Variants in OXCT1 observed in about 807,000 individuals in gnomAD.
OXCT1 encodes 3-oxoacid CoA-transferase 1.
OXCT1 carries 27 observed loss-of-function variants against 69.6 expected under a neutral mutation model. That is an observed-to-expected ratio of 0.39 (90% confidence interval 0.29 to 0.54). OXCT1 has a LOEUF of 0.54. Among genes scored for constraint, OXCT1 ranks in the 20% least tolerant of loss-of-function variants. OXCT1 has a pLI of 0.72. For missense variants in OXCT1, 437 were observed against 650.2 expected (o/e 0.67, Z 3.57); for synonymous variants, 202 against 217.8 (o/e 0.93, Z 0.64).
At chr5:41,787,746 G>A (rs1474912550) in intron 13 of OXCT1, among the ~76,000 whole-genome samples, 1 of 150,394 alleles carries the variant, frequency 6.6e-6, no homozygotes, top group Non-Finnish European at 1.5e-5. Flanking sequence ...ATCAGGCAGA[G>A]TCCTCCGAAG....
At chr5:41,811,350 A>G (rs565419584) in intron 7 of OXCT1, among the ~76,000 whole-genome samples, 8 of 152,176 alleles carry the variant, frequency 5.3e-5, no homozygotes, top group African/African-American at 1.7e-4. Flanking sequence ...GGTAATGAAT[A>G]TCCCAATTAC....
chr5:41,735,295 C>A (rs1462141827), intron 16 of OXCT1, among the ~76,000 whole-genome samples: 5 of 152,116 alleles, frequency 3.3e-5, no homozygotes, highest in Admixed American at 3.3e-4. Flanking sequence ...ATACATGCTA[C>A]AACACAGATG....
intron 3 of OXCT1, 200 bp from the exon 4 acceptor site, chr5:41,853,754 G>T (rs556011228): frequency 1.5e-6 from 1 of 684,032 alleles, no homozygotes. Context: ...GAAACTAAAA[G>T]TCAAGAAGTT....
intron 14 of OXCT1, 21 bp from the exon 15 acceptor site, chr5:41,749,628 CA>C: frequency 6.6e-7 from 1 of 1,505,450 alleles, no homozygotes; most frequent in Non-Finnish European, 9.2e-7. Flanking sequence ...AAGAAAACAT[CA>C]AAAAGAGTAG....
chr5:41,755,590 A>G (rs569831152), intron 14 of OXCT1, among the ~76,000 whole-genome samples: 1 of 152,226 alleles, frequency 6.6e-6, no homozygotes, highest in African/African-American at 2.4e-5. Flanking sequence ...AAAAGCCTTC[A>G]TATTTGTTGG....
intron 13 of OXCT1, among the ~76,000 whole-genome samples, chr5:41,782,961 G>C (rs1745481977): frequency 6.6e-6 from 1 of 152,152 alleles, no homozygotes. Flanking sequence ...GCTTATAGCT[G>C]AATGATATTA....
intron 11 of OXCT1, among the ~76,000 whole-genome samples, chr5:41,795,829 T>C (rs961158189): frequency 6.6e-6 from 1 of 152,126 alleles, no homozygotes; most frequent in African/African-American, 2.4e-5. Context: ...ACATTACACG[T>C]CTTAAATATA....
At chr5:41,829,767 T>C (rs912572248) in intron 7 of OXCT1, among the ~76,000 whole-genome samples, 3 of 152,192 alleles carry the variant, frequency 2.0e-5, no homozygotes, top group African/African-American at 7.2e-5. Context: ...TTATATTTAT[T>C]ACTTCCTTGG....
intron 7 of OXCT1, among the ~76,000 whole-genome samples, chr5:41,824,935 G>A (rs1747730565): frequency 6.6e-6 from 1 of 152,162 alleles, no homozygotes; most frequent in African/African-American, 2.4e-5. Context: ...AAAATTTAAA[G>A]TGAAATTCAA....
intron 7 of OXCT1, among the ~76,000 whole-genome samples, chr5:41,826,488 C>T (rs1289678001): frequency 6.6e-6 from 1 of 152,130 alleles, no homozygotes; most frequent in African/African-American, 2.4e-5. Flanking sequence ...TTAGAAAACA[C>T]ACTGGAATGC....
chr5:41,763,986 G>A (rs1744474865), intron 13 of OXCT1, among the ~76,000 whole-genome samples: 1 of 152,140 alleles, frequency 6.6e-6, no homozygotes, highest in Non-Finnish European at 1.5e-5. Context: ...AAACCAGTGT[G>A]CTGGCAAGAA....
At position 41,741,619 on chromosome 5, in the gene OXCT1, GATT is replaced by G. The variant is rs369362776; in HGVS notation, c.1420-2131_1420-2129del. On this transcript the variant is annotated intron_variant, in intron 15 of 16. Transcript: ENST00000196371. ...TGATGCCAGATCAAAGCCCTGGAAT[GATT>G]ATTGACTCCAGCTGATTAATATTTT... is the stretch of plus-strand genomic sequence containing the variant. Among the ~76,000 whole-genome samples, 26 of 152,290 alleles carry G rather than the reference GATT, an allele frequency of 1.7e-4. No individual in the cohort carries two copies. The East Asian group carries it at 5.0e-3, about 29-fold the overall frequency.
At chr5:41,855,397 T>C (rs1459416741) in intron 3 of OXCT1, among the ~76,000 whole-genome samples, 1 of 152,196 alleles carries the variant, frequency 6.6e-6, no homozygotes, top group East Asian at 1.9e-4. Context: ...TTATGAGATG[T>C]TCACTTTTCT....
At chr5:41,789,869 A>G (rs1051822458) in intron 13 of OXCT1, among the ~76,000 whole-genome samples, 2 of 152,240 alleles carry the variant, frequency 1.3e-5, no homozygotes, top group African/African-American at 4.8e-5. Flanking sequence ...TGAATCTTCA[A>G]CACAAACCCC....
intron 11 of OXCT1, among the ~76,000 whole-genome samples, chr5:41,799,628 G>A (rs548084898): frequency 6.6e-6 from 1 of 152,252 alleles, no homozygotes; most frequent in South Asian, 2.1e-4. Flanking sequence ...GGAACATGCA[G>A]TTATTCATTT....
At chr5:41,850,608 A>G (rs1236545375) in intron 4 of OXCT1, among the ~76,000 whole-genome samples, 1 of 152,194 alleles carries the variant, frequency 6.6e-6, no homozygotes, top group Non-Finnish European at 1.5e-5. Flanking sequence ...AATAATGTAA[A>G]GTGTTTAAAT....
intron 7 of OXCT1, among the ~76,000 whole-genome samples, chr5:41,811,818 C>T (rs1746999061): frequency 6.6e-6 from 1 of 151,966 alleles, no homozygotes; most frequent in African/African-American, 2.4e-5. Context: ...TGAAAATAAA[C>T]CTAACAAAAA....
intron 3 of OXCT1, among the ~76,000 whole-genome samples, chr5:41,855,572 C>T (rs1749390737): frequency 6.6e-6 from 1 of 152,180 alleles, no homozygotes; most frequent in African/African-American, 2.4e-5. Context: ...GTCATCTACA[C>T]AGTTCATTCA....
At chr5:41,773,471 C>A (rs551333008) in intron 13 of OXCT1, among the ~76,000 whole-genome samples, 2 of 151,242 alleles carry the variant, frequency 1.3e-5, no homozygotes, top group South Asian at 4.2e-4. Flanking sequence ...GTTGCATGCA[C>A]CTGTAGTATG....
Sources: allele counts gnomAD v4.1 joint callset (sites outside exome capture counted in the v4.1 genomes callset), GRCh38; gene constraint gnomAD v4.1.1; transcripts MANE v1.5; gene names NCBI Gene and HGNC (gene_info 2026-07-23, HGNC 2026-07-21).